The following C13orf42 variants were observed in gnomAD, a reference collection of about 807,000 sequenced individuals.
C13orf42 encodes chromosome 13 open reading frame 42, also known as uncharacterized protein C13orf42.
intron 1 of C13orf42, among the ~76,000 whole-genome samples, chr13:51,100,685 C>A (rs1953280979): frequency 3.3e-5 from 5 of 151,984 alleles, no homozygotes; most frequent in Admixed American, 3.3e-4. Context: ...TGATAAAATG[C>A]AAATAGAAGA....
At chr13:51,103,845 A>G (rs1953319751) in intron 1 of C13orf42, among the ~76,000 whole-genome samples, 1 of 152,164 alleles carries the variant, frequency 6.6e-6, no homozygotes, top group Non-Finnish European at 1.5e-5. Flanking sequence ...ATTCACAGAG[A>G]CAGAAAGTAG....
intron 1 of C13orf42, among the ~76,000 whole-genome samples, chr13:51,136,421 A>G (rs377350674): frequency 6.6e-6 from 1 of 152,356 alleles, no homozygotes; most frequent in East Asian, 1.9e-4. Flanking sequence ...GTAAGGCTCA[A>G]CAAATGGCTA....
At chr13:51,142,640 T>TAA (rs34049676) in intron 1 of C13orf42, among the ~76,000 whole-genome samples, 8,101 of 147,694 alleles carry the variant, frequency 0.055, 364 homozygotes, top group African/African-American at 0.12. Flanking sequence ...TCCTTTTTTA[T>TAA]AAAAAAAAAG....
chr13:51,171,917 C>T (rs1422983401), intron 1 of C13orf42: 1 of 152,100 alleles, frequency 6.6e-6, no homozygotes, highest in African/African-American at 2.4e-5. Context: ...AATCTGCTCC[C>T]GATATTAAAT....
At chr13:51,129,303 C>T (rs746797737) in intron 1 of C13orf42, among the ~76,000 whole-genome samples, 1 of 152,126 alleles carries the variant, frequency 6.6e-6, no homozygotes, top group Non-Finnish European at 1.5e-5. Flanking sequence ...GGCAGACCCC[C>T]GCAGCTAATG....
chr13:51,146,425 A>ACAGCTGTCAATCAGTTTAAG (rs1953736254), intron 1 of C13orf42, among the ~76,000 whole-genome samples: 1 of 152,202 alleles, frequency 6.6e-6, no homozygotes, highest in Non-Finnish European at 1.5e-5. Flanking sequence ...AATATCCGAG[A>ACAGCTGTCAATCAGTTTAAG]CAGCTGTCAA....
chr13:51,132,555 CT>C (rs1358576259), intron 1 of C13orf42, among the ~76,000 whole-genome samples: 1 of 152,170 alleles, frequency 6.6e-6, no homozygotes, highest in Non-Finnish European at 1.5e-5. Context: ...CATACTTATG[CT>C]TTCTAAGCTC....
At chr13:51,121,593 T>G (rs1410591052) in intron 1 of C13orf42, among the ~76,000 whole-genome samples, 1 of 149,488 alleles carries the variant, frequency 6.7e-6, no homozygotes, top group Non-Finnish European at 1.5e-5. Flanking sequence ...TGGAGTGCAG[T>G]GGCGTGGTCT....
intron 3 of C13orf42, among the ~76,000 whole-genome samples, 200 bp downstream of exon 3, chr13:51,085,119 G>C (rs549761026): frequency 5.7e-4 from 86 of 151,570 alleles, no homozygotes; most frequent in African/African-American, 2.1e-3. Flanking sequence ...CAGTGCACCA[G>C]GCTAGAGTGC....
chr13:51,139,457 C>G (rs1953681451), intron 1 of C13orf42, among the ~76,000 whole-genome samples: 1 of 152,174 alleles, frequency 6.6e-6, no homozygotes, highest in African/African-American at 2.4e-5. Flanking sequence ...TGGACCAGAG[C>G]AACTCCATCT....
chr13:51,148,954 G>A (rs945480662), intron 1 of C13orf42, among the ~76,000 whole-genome samples: 1 of 152,212 alleles, frequency 6.6e-6, no homozygotes, highest in Non-Finnish European at 1.5e-5. Flanking sequence ...TTACTCTGCA[G>A]AGGGGAATGG....
intron 1 of C13orf42, among the ~76,000 whole-genome samples, chr13:51,167,733 G>C (rs181891371): frequency 6.6e-6 from 1 of 152,168 alleles, no homozygotes; most frequent in Non-Finnish European, 1.5e-5. Flanking sequence ...TTCTGGGTGG[G>C]TGTGTCTTTT....
intron 1 of C13orf42, among the ~76,000 whole-genome samples, chr13:51,170,013 T>C (rs987964589): frequency 2.6e-5 from 4 of 152,082 alleles, no homozygotes; most frequent in Non-Finnish European, 4.4e-5. Flanking sequence ...ACAAAAGAAG[T>C]GTAAATGGCC....
Position 51,157,806 on chromosome 13 carries a change from T to C in C13orf42, n.136+14447A>G, listed in dbSNP as rs553270265. Among the ~76,000 whole-genome samples, 10 of 152,290 alleles carry C rather than the reference T, an allele frequency of 6.6e-5. No homozygotes were observed. The South Asian group carries it at 2.1e-3, about 32-fold the overall frequency. ...GTATTGTGAAGTAATAAATATTCAC[T>C]AAAATTCAGAACTTGACAATTAAAT... On this transcript the variant is annotated intron_variant and non_coding_transcript_variant, in intron 1 of 4. Coordinates refer to the C13orf42 transcript ENST00000433280.
At position 51,163,646 on chromosome 13, in the gene C13orf42, C is replaced by G. The variant is rs534381944; in HGVS notation, n.136+8607G>C. Among the ~76,000 whole-genome samples the G allele has an allele frequency of 1.6e-3, 247 of 152,286 alleles. 2 individuals are homozygous for G. The highest frequency in any genetic ancestry group is 5.8e-3 in the African/African-American group (239 of 41,564). ...CTCAATCCCCTGTATGACCTGCATT[C>G]CAAGGAATGGGCCAGGGGTTCGGAT... On this transcript the variant is annotated intron_variant and non_coding_transcript_variant, in intron 1 of 4. Coordinates refer to the C13orf42 transcript ENST00000433280.
intron 1 of C13orf42, among the ~76,000 whole-genome samples, chr13:51,145,637 T>A (rs1953728237): frequency 6.6e-6 from 1 of 152,198 alleles, no homozygotes; most frequent in South Asian, 2.1e-4. Flanking sequence ...TTGCCTCCCA[T>A]TCTATTCAAA....
At chr13:51,129,348 A>G (rs1953598077) in intron 1 of C13orf42, among the ~76,000 whole-genome samples, 1 of 152,194 alleles carries the variant, frequency 6.6e-6, no homozygotes, top group South Asian at 2.1e-4. Context: ...TCATGCTGGC[A>G]GCTGCCGGTG....
At chr13:51,161,885 C>T in intron 1 of C13orf42, 1 of 483,296 alleles carries the variant, frequency 2.1e-6, no homozygotes. Flanking sequence ...AGTGGTGGTT[C>T]TGGCAAGGCC....
chr13:51,140,027 G>T (rs990726617), intron 1 of C13orf42, among the ~76,000 whole-genome samples: 4 of 152,094 alleles, frequency 2.6e-5, no homozygotes, highest in African/African-American at 7.2e-5. Flanking sequence ...CCAAAATCAC[G>T]AAGGAAAACT....
Sources: gnomAD v4.1 joint callset for allele counts (sites outside exome capture counted in the v4.1 genomes callset) on GRCh38, gnomAD v4.1.1 for gene constraint, MANE v1.5 for transcripts, NCBI Gene and HGNC (gene_info 2026-07-23, HGNC 2026-07-21) for gene names.